SPTSSA: variants seen among roughly 807,000 people sequenced by gnomAD.
The protein encoded by SPTSSA is serine palmitoyltransferase small subunit A.
Under a neutral mutation model 9.1 loss-of-function variants are expected in SPTSSA, and 8 were observed. The ratio of observed to expected loss-of-function variants is 0.88; its 90% CI spans 0.51 to 1.58. SPTSSA has a LOEUF of 1.58. Ranked by LOEUF, SPTSSA falls within the 40% of genes most tolerant of loss-of-function variation. SPTSSA has a pLI of 0.00. For synonymous variants in SPTSSA, 42 were observed against 37.7 expected, an observed-to-expected ratio of 1.11 and a Z score of -0.41; for missense variants, 100 against 93.8, an observed-to-expected ratio of 1.07 and a Z score of -0.27.
intron 1 of SPTSSA, among the ~76,000 whole-genome samples, chr14:34,438,770 T>C (rs1883277193): frequency 6.6e-6 from 1 of 152,152 alleles, no homozygotes. Flanking sequence ...CCTTAATCAA[T>C]GATAAATGAT....
At chr14:34,457,971 G>GAAAAAAAAAAAAAAAAAAAACAA (rs750575678) in intron 1 of SPTSSA, among the ~76,000 whole-genome samples, 1 of 54,718 alleles carries the variant, frequency 1.8e-5, no homozygotes, top group Non-Finnish European at 3.2e-5. Context: ...GACTGTCTCG[G>GAAAAAAAAAAAAAAAAAAAACAA]AAAAAAAAAA....
rs35426259 is a variant in SPTSSA at position 34,458,663 on chromosome 14, A to ATTTT, written c.112+3429_112+3432dup. 4.1e-3 allele frequency among the ~76,000 whole-genome samples: 366 copies of ATTTT among 89,596 alleles called. 3 individuals are homozygous for ATTTT. Among genetic ancestry groups the ATTTT allele is most frequent in the African/African-American group, 9.8e-3 (194 of 19,762 alleles). The allele number at this position is 89,596 out of a possible 152,430, so 58.8% of individuals were successfully genotyped here. A position where few individuals can be genotyped will look rare whatever the true frequency, so the allele number is the denominator to read the frequency against. ...AGTCGTGCGCCACCACACTCAGCTA[A>ATTTT]TTTTTTTTTTTTTTTTTTTTTTTTG... On this transcript the variant is annotated intron_variant, in intron 1 of 1. Transcript: ENST00000298130.
At chr14:34,457,248 CA>C (rs1297222313) in intron 1 of SPTSSA, among the ~76,000 whole-genome samples, 8 of 151,932 alleles carry the variant, frequency 5.3e-5, no homozygotes, top group African/African-American at 1.4e-4. Flanking sequence ...AAAGTTGATT[CA>C]AATTATTTTA....
chr14:34,450,577 AG>A (rs1883501394), intron 1 of SPTSSA, among the ~76,000 whole-genome samples: 1 of 151,704 alleles, frequency 6.6e-6, no homozygotes, highest in East Asian at 1.9e-4. Context: ...TATATTCTAG[AG>A]GGGGTTCCAT....
intron 1 of SPTSSA, among the ~76,000 whole-genome samples, chr14:34,438,851 C>T (rs894649900): frequency 9.2e-5 from 14 of 152,150 alleles, no homozygotes; most frequent in African/African-American, 2.7e-4. Context: ...CTTTCCATGT[C>T]CCTCTTTACT....
At chr14:34,457,970 G>GAAAAAAAAA (rs1566427256) in intron 1 of SPTSSA, among the ~76,000 whole-genome samples, 7 of 83,342 alleles carry the variant, frequency 8.4e-5, no homozygotes, top group Admixed American at 2.5e-4. Context: ...AGACTGTCTC[G>GAAAAAAAAA]GAAAAAAAAA....
chr14:34,445,658 C>T (rs566390730), intron 1 of SPTSSA, among the ~76,000 whole-genome samples: 2 of 152,232 alleles, frequency 1.3e-5, no homozygotes, highest in South Asian at 4.2e-4. Flanking sequence ...TCCCTGAAAA[C>T]ATCCAGAAAA....
chr14:34,444,051 G>A lies in SPTSSA; in HGVS notation c.113-8747C>T, dbSNP rs147110262. ...AGAATTTCTTACTGGTCTCTGGCCC[G>A]CTTTCTCCCTGTGCAAAATGGTTAG... On this transcript the variant is annotated intron_variant, in intron 1 of 1. Coordinates refer to ENST00000298130, the MANE Select transcript of SPTSSA (RefSeq NM_138288.4). 9.0e-3 allele frequency among the ~76,000 whole-genome samples: 1,369 copies of A among 152,226 alleles called. 18 individuals carry two copies. Among genetic ancestry groups the A allele is most frequent in the African/African-American group, 0.029 (1,203 of 41,536 alleles).
At chr14:34,440,088 C>T (rs1329094204) in intron 1 of SPTSSA, among the ~76,000 whole-genome samples, 1 of 152,202 alleles carries the variant, frequency 6.6e-6, no homozygotes, top group Non-Finnish European at 1.5e-5. Context: ...TACCACCTGA[C>T]ATTACCTATT....
At chr14:34,442,925 C>A (rs897828556) in intron 1 of SPTSSA, among the ~76,000 whole-genome samples, 2 of 150,458 alleles carry the variant, frequency 1.3e-5, no homozygotes, top group African/African-American at 4.9e-5. Flanking sequence ...ATTGGATCTT[C>A]CTTTGTGTGT....
intron 1 of SPTSSA, among the ~76,000 whole-genome samples, chr14:34,443,978 C>T (rs754698530): frequency 2.3e-4 from 35 of 152,128 alleles, no homozygotes; most frequent in Non-Finnish European, 1.6e-4. Flanking sequence ...TTGCTAGGGC[C>T]GCTCAGGGAT....
chr14:34,450,383 A>G (rs1412617927), intron 1 of SPTSSA, among the ~76,000 whole-genome samples: 2 of 152,222 alleles, frequency 1.3e-5, no homozygotes, highest in Non-Finnish European at 2.9e-5. Context: ...CCACCTGTCA[A>G]TCGTCCATAA....
intron 1 of SPTSSA, among the ~76,000 whole-genome samples, chr14:34,460,754 ACAAGG>A (rs1878602097): frequency 6.6e-6 from 1 of 152,208 alleles, no homozygotes; most frequent in South Asian, 2.1e-4. Flanking sequence ...TATATATTTT[ACAAGG>A]CATGACCTTG....
In SPTSSA at chr14:34,432,857, G is replaced by GCTA. The variant is rs1251230170; in HGVS notation, c.*2341_*2343dup. On this transcript the variant is annotated 3_prime_UTR_variant, in exon 2 of 2. Transcript: ENST00000298130. ...GGTGTTTTTTTTTTTTAGCCATAAT[G>GCTA]CTACTGCACACTTAATAGACTACAG... 6.6e-6 allele frequency: 1 copy of GCTA among 150,538 alleles called. No homozygotes were observed. Among genetic ancestry groups the GCTA allele is most frequent in the Non-Finnish European group, 1.5e-5 (1 of 67,718 alleles). The allele number at this position is 150,538 out of a possible 1,614,324, so 9.3% of individuals were successfully genotyped here.
chr14:34,455,152 C>G lies in SPTSSA; in HGVS notation c.112+6944G>C, dbSNP rs556977606. Among the ~76,000 whole-genome samples the G allele has an allele frequency of 7.3e-5, 11 of 151,660 alleles. No homozygotes were observed. In the Middle Eastern group the frequency reaches 0.014, roughly 190 times the overall value. ...CCTGTAATCCCAGCATTTTGGGAGG[C>G]CGAGGTGGGCGGATCACGAGGTTGG... On this transcript the variant is annotated intron_variant, in intron 1 of 1. Coordinates refer to ENST00000298130, the MANE Select transcript of SPTSSA (RefSeq NM_138288.4).
chr14:34,443,728 G>A (rs1386342974), intron 1 of SPTSSA, among the ~76,000 whole-genome samples: 1 of 152,032 alleles, frequency 6.6e-6, no homozygotes, highest in Non-Finnish European at 1.5e-5. Flanking sequence ...TAGAGATGGG[G>A]TTTCACCATG....
intron 1 of SPTSSA, among the ~76,000 whole-genome samples, chr14:34,454,348 AAT>A (rs759557385): frequency 6.6e-6 from 1 of 152,198 alleles, no homozygotes; most frequent in East Asian, 1.9e-4. Flanking sequence ...GCAGAATATC[AAT>A]GTGTGGTCTG....
Position 34,435,126 on chromosome 14 carries a change from C to A in SPTSSA, c.*75G>T. 1 of 1,139,230 alleles carries A rather than the reference C, an allele frequency of 8.8e-7. No homozygotes were observed. Among genetic ancestry groups the A allele is most frequent in the Admixed American group, 2.1e-5 (1 of 46,974 alleles). 70.6% of individuals were successfully genotyped at this position (1,139,230 alleles called of 1,614,324 possible). A position where few individuals can be genotyped will look rare whatever the true frequency, so the allele number is the denominator to read the frequency against. On this transcript the variant is annotated 3_prime_UTR_variant, in exon 2 of 2. Coordinates refer to ENST00000298130, the MANE Select transcript of SPTSSA (RefSeq NM_138288.4). ...GTTGACATCTAGAAGAGTTTCTTAT[C>A]ACATCTGATGGTCTCATTCCAACTT...
At chr14:34,449,743 T>C (rs961316567) in intron 1 of SPTSSA, among the ~76,000 whole-genome samples, 1 of 152,028 alleles carries the variant, frequency 6.6e-6, no homozygotes, top group Non-Finnish European at 1.5e-5. Flanking sequence ...CCTCAGGTGA[T>C]CCGCCCACCT....
Sources: allele counts gnomAD v4.1 joint callset (sites outside exome capture counted in the v4.1 genomes callset), GRCh38; gene constraint gnomAD v4.1.1; transcripts MANE v1.5; gene names NCBI Gene and HGNC (gene_info 2026-07-23, HGNC 2026-07-21).